The following PDE11A variants were observed in gnomAD, a reference collection of about 807,000 sequenced individuals.
The protein encoded by PDE11A is phosphodiesterase 11A.
Under a neutral mutation model 100.5 loss-of-function variants are expected in PDE11A, and 100 were observed. The observed-to-expected ratio is 1.00, with a 90% CI of 0.85 to 1.18. The LOEUF (loss-of-function observed/expected upper bound fraction) is 1.18, where lower values mean the gene tolerates loss of function less well. Among genes scored for constraint, PDE11A ranks in the 50% most tolerant of loss-of-function variants. The probability of loss-of-function intolerance (pLI) is 0.00; values close to 1 mark genes in which losing one functional copy is unlikely to be tolerated. For missense variants in PDE11A, 1,141 were observed against 1,152.6 expected, an observed-to-expected ratio of 0.99 and a Z score of 0.15; for synonymous variants, 381 against 420.8, an observed-to-expected ratio of 0.91 and a Z score of 1.16.
At chr2:177,835,412 C>G (rs1054263823) in intron 6 of PDE11A, among the ~76,000 whole-genome samples, 2 of 152,206 alleles carry the variant, frequency 1.3e-5, no homozygotes, top group Admixed American at 1.3e-4. Flanking sequence ...CCCCCTACTA[C>G]AGGATACTCC....
chr2:177,668,758 C>A (rs1375736262), intron 18 of PDE11A, among the ~76,000 whole-genome samples: 1 of 152,118 alleles, frequency 6.6e-6, no homozygotes, highest in African/African-American at 2.4e-5. Flanking sequence ...ACAATTGATA[C>A]CTTCCTTGAG....
intron 15 of PDE11A, among the ~76,000 whole-genome samples, chr2:177,686,384 A>T (rs967667907): frequency 1.3e-5 from 2 of 152,100 alleles, no homozygotes; most frequent in Non-Finnish European, 2.9e-5. Context: ...CTTAGCAACA[A>T]AGTGGGATTC....
intron 2 of PDE11A, among the ~76,000 whole-genome samples, chr2:177,994,424 T>C (rs2086044510): frequency 6.6e-6 from 1 of 152,216 alleles, no homozygotes; most frequent in South Asian, 2.1e-4. Flanking sequence ...ATGAGCATGA[T>C]ACAAACATTT....
At chr2:177,857,938 G>T (rs899121724) in intron 5 of PDE11A, among the ~76,000 whole-genome samples, 1 of 151,862 alleles carries the variant, frequency 6.6e-6, no homozygotes, top group Non-Finnish European at 1.5e-5. Flanking sequence ...GGTTACTAGA[G>T]ATAAAGAACA....
intron 2 of PDE11A, among the ~76,000 whole-genome samples, chr2:177,979,024 ATATG>A (rs1559030281): frequency 7.2e-6 from 1 of 138,256 alleles, no homozygotes; most frequent in African/African-American, 2.6e-5. Context: ...ACATGTATAC[ATATG>A]TAACTAACCT....
At chr2:177,646,254 A>C (rs1187975571) in intron 19 of PDE11A, among the ~76,000 whole-genome samples, 1 of 152,242 alleles carries the variant, frequency 6.6e-6, no homozygotes, top group East Asian at 1.9e-4. Flanking sequence ...TTACAATTTT[A>C]AAAACTGTAT....
At chr2:177,842,173 G>T (rs537629144) in intron 5 of PDE11A, among the ~76,000 whole-genome samples, 1 of 152,216 alleles carries the variant, frequency 6.6e-6, no homozygotes, top group Non-Finnish European at 1.5e-5. Flanking sequence ...TGATCACACC[G>T]TTTCGAAGCT....
At chr2:177,721,234 A>T (rs2081521517) in intron 12 of PDE11A, among the ~76,000 whole-genome samples, 1 of 152,188 alleles carries the variant, frequency 6.6e-6, no homozygotes, top group African/African-American at 2.4e-5. Context: ...TTCAGCAGGA[A>T]TCCAGGTTTT....
intron 10 of PDE11A, among the ~76,000 whole-genome samples, chr2:177,755,781 G>A (rs1266873593): frequency 6.6e-6 from 1 of 152,174 alleles, no homozygotes; most frequent in Non-Finnish European, 1.5e-5. Context: ...CTCTGCCAGA[G>A]GCCACTTTTA....
intron 2 of PDE11A, among the ~76,000 whole-genome samples, chr2:177,977,800 A>T (rs1273444651): frequency 2.1e-5 from 3 of 144,004 alleles, no homozygotes; most frequent in Non-Finnish European, 4.6e-5. Context: ...TCTTTGACAA[A>T]CCTGAGAAAA....
chr2:177,956,300 C>T (rs1232169800), intron 2 of PDE11A, among the ~76,000 whole-genome samples: 14 of 152,238 alleles, frequency 9.2e-5, no homozygotes, highest in Non-Finnish European at 1.5e-4. Context: ...CCAAAAAACA[C>T]ATGAAAAAAT....
chr2:177,747,262 C>A (rs778699520), intron 10 of PDE11A, among the ~76,000 whole-genome samples: 5 of 152,218 alleles, frequency 3.3e-5, no homozygotes, highest in Non-Finnish European at 7.3e-5. Flanking sequence ...TCCTGAAATA[C>A]AGCCAGCGTT....
intron 2 of PDE11A, among the ~76,000 whole-genome samples, chr2:177,983,078 GA>G (rs973507849): frequency 8.0e-5 from 12 of 150,152 alleles, no homozygotes; most frequent in Non-Finnish European, 1.5e-4. Flanking sequence ...CCTGTCTCAA[GA>G]AAAAAATCAT....
At chr2:177,935,306 T>G (rs1559013724) in intron 2 of PDE11A, among the ~76,000 whole-genome samples, 1 of 152,274 alleles carries the variant, frequency 6.6e-6, no homozygotes, top group East Asian at 1.9e-4. Context: ...CTTCTCAGAC[T>G]GCGAGGGGTC....
At chr2:178,082,461 T>G (rs1268022031) in intron 2 of PDE11A, among the ~76,000 whole-genome samples, 1 of 152,214 alleles carries the variant, frequency 6.6e-6, no homozygotes, top group East Asian at 1.9e-4. Flanking sequence ...TCATAAGTGT[T>G]GCAGCCTGCA....
In PDE11A at chr2:177,857,498, G is replaced by A. The variant is rs116757791; in HGVS notation, c.1368-17115C>T. Among the ~76,000 whole-genome samples, 1,105 of 152,102 alleles carry A rather than the reference G, an allele frequency of 7.3e-3. 12 individuals carry two copies. The highest frequency in any genetic ancestry group is 0.025 in the African/African-American group (1,024 of 41,532). ...ATAAAACTGCATTGATAGGCTTATC[G>A]TATGAAAAGATGTAATTAGTAGGAC... On this transcript the variant is annotated intron_variant, in intron 5 of 19. Coordinates refer to ENST00000286063, the MANE Select transcript of PDE11A (RefSeq NM_016953.4).
intron 2 of PDE11A, among the ~76,000 whole-genome samples, chr2:177,945,896 C>T (rs1489564237): frequency 0.018 from 2,312 of 130,070 alleles, no homozygotes; most frequent in Non-Finnish European, 0.02. Flanking sequence ...GCCCCCTGCC[C>T]GGCCAGCCGC....
chr2:177,829,392 G>A (rs185503580), intron 6 of PDE11A, among the ~76,000 whole-genome samples: 23 of 152,030 alleles, frequency 1.5e-4, no homozygotes, highest in African/African-American at 5.5e-4. Flanking sequence ...ATTGCTTCAT[G>A]GGGTAGACAT....
chr2:178,097,436 A>C (rs2087508335), intron 2 of PDE11A, among the ~76,000 whole-genome samples: 1 of 152,174 alleles, frequency 6.6e-6, no homozygotes, highest in South Asian at 2.1e-4. Context: ...GTGAAGGAGG[A>C]AATTCCAAAC....
Sources: gnomAD v4.1 joint callset for allele counts (sites outside exome capture counted in the v4.1 genomes callset) on GRCh38, gnomAD v4.1.1 for gene constraint, MANE v1.5 for transcripts, NCBI Gene and HGNC (gene_info 2026-07-23, HGNC 2026-07-21) for gene names.